Variants in CDKL3 observed in about 807,000 individuals in gnomAD.
The protein encoded by CDKL3 is cyclin dependent kinase like 3.
Under a neutral mutation model 69.3 loss-of-function variants are expected in CDKL3, and 65 were observed. The ratio of observed to expected loss-of-function variants is 0.94; its 90% CI spans 0.77 to 1.15. CDKL3 has a LOEUF of 1.15. Among genes scored for constraint, CDKL3 ranks in the 50% most tolerant of loss-of-function variants. The pLI, the probability that CDKL3 is intolerant of heterozygous loss-of-function variation, is 0.00. For synonymous variants in CDKL3, 202 were observed against 221.6 expected (o/e 0.91, Z 0.79); for missense variants, 652 against 689.2 (o/e 0.95, Z 0.61).
chr5:134,371,590 C>A, upstream of CDKL3: 1 of 1,612,448 alleles, frequency 6.2e-7, no homozygotes, highest in Non-Finnish European at 8.5e-7. Context: ...GGGGCAGCTG[C>A]GGAGCATGTC....
At chr5:134,370,085 G>A (rs1427633341), upstream of CDKL3, among the ~76,000 whole-genome samples, 1 of 152,196 alleles carries the variant, frequency 6.6e-6, no homozygotes, top group African/African-American at 2.4e-5. Context: ...GGGAATTCAG[G>A]GTTTGAAGAA....
intron 4 of CDKL3, among the ~76,000 whole-genome samples, chr5:134,326,950 T>C (rs1283899291): frequency 6.6e-6 from 1 of 150,568 alleles, no homozygotes; most frequent in Admixed American, 6.6e-5. Flanking sequence ...TGCAATTCAG[T>C]ATAAGAAAGA....
At chr5:134,371,540 G>GGGGGGCTGC, upstream of CDKL3, 1 of 1,592,684 alleles carries the variant, frequency 6.3e-7, no homozygotes, top group Non-Finnish European at 8.5e-7. Flanking sequence ...CCGGGGGGTG[G>GGGGGGCTGC]GGGGGCTGCG....
chr5:134,332,138 G>A (rs1363342538), intron 4 of CDKL3, among the ~76,000 whole-genome samples: 1 of 151,938 alleles, frequency 6.6e-6, no homozygotes, highest in Non-Finnish European at 1.5e-5. Flanking sequence ...ACTTTTTGAT[G>A]CAGTTGTTTT....
intron 6 of CDKL3, among the ~76,000 whole-genome samples, chr5:134,314,210 C>T (rs962645489): frequency 3.9e-5 from 6 of 152,072 alleles, no homozygotes; most frequent in African/African-American, 1.4e-4. Context: ...AATATGTGCT[C>T]ATTTTAGAAT....
At chr5:134,326,827 A>ATGTGTG (rs778337033) in intron 4 of CDKL3, among the ~76,000 whole-genome samples, 4 of 103,122 alleles carry the variant, frequency 3.9e-5, no homozygotes, top group South Asian at 2.9e-4. Flanking sequence ...GTATATATAT[A>ATGTGTG]TATATATATA....
chr5:134,342,468 C>T (rs570526867), intron 4 of CDKL3, among the ~76,000 whole-genome samples: 237 of 152,054 alleles, frequency 1.6e-3, no homozygotes, highest in African/African-American at 5.6e-3. Flanking sequence ...GACGTAGTGG[C>T]GGACGCTTGT....
upstream of CDKL3, chr5:134,367,294 G>A: frequency 1.0e-6 from 1 of 985,340 alleles, no homozygotes; most frequent in Non-Finnish European, 1.2e-6. Flanking sequence ...AATGGGGGAG[G>A]GGAGTACAGA....
chr5:134,312,404 T>C (rs745683199), intron 6 of CDKL3, 24 bp from the exon 7 acceptor site: 4 of 1,364,906 alleles, frequency 2.9e-6, no homozygotes, highest in Non-Finnish European at 4.1e-6. Flanking sequence ...AAGATTTTAA[T>C]AAGTGAGCTC....
intron 7 of CDKL3, among the ~76,000 whole-genome samples, chr5:134,310,238 T>G (rs1318244524): frequency 6.6e-6 from 1 of 152,026 alleles, no homozygotes; most frequent in Non-Finnish European, 1.5e-5. Context: ...CAGGATGGAG[T>G]GCAGTGGCAC....
At chr5:134,336,813 T>C (rs1777226421) in intron 4 of CDKL3, among the ~76,000 whole-genome samples, 1 of 152,212 alleles carries the variant, frequency 6.6e-6, no homozygotes, top group Non-Finnish European at 1.5e-5. Context: ...GCAGTCTGTC[T>C]GTTATCGGAG....
upstream of CDKL3, among the ~76,000 whole-genome samples, chr5:134,370,392 G>A (rs892201653): frequency 6.6e-6 from 1 of 152,216 alleles, no homozygotes; most frequent in Non-Finnish European, 1.5e-5. Context: ...TTTCTTGCTA[G>A]TGTAGAAAAC....
At chr5:134,297,586 C>CTTTTTTTCTTTCT (rs1216089312), downstream of CDKL3, among the ~76,000 whole-genome samples, 23 of 144,028 alleles carry the variant, frequency 1.6e-4, no homozygotes, top group African/African-American at 5.6e-4. Flanking sequence ...TTTTTTCTTT[C>CTTTTTTTCTTTCT]TTTTTTTTTT....
intron 1 of CDKL3, 21 bp downstream of exon 1, chr5:134,366,954 CCA>C (rs879874601): frequency 1.0e-6 from 1 of 991,266 alleles, no homozygotes; most frequent in Admixed American, 6.1e-5. Flanking sequence ...GCAACTCAAA[CCA>C]CACGTCTTAG....
chr5:134,312,523 C>T (rs1243792313), intron 6 of CDKL3, 143 bp from the exon 7 acceptor site: 2 of 544,624 alleles, frequency 3.7e-6, no homozygotes, highest in Non-Finnish European at 6.4e-6. Flanking sequence ...ACCTCAGGAA[C>T]TTCTGGTAGT....
intron 3 of CDKL3, among the ~76,000 whole-genome samples, chr5:134,356,382 C>T (rs900346245): frequency 2.6e-5 from 4 of 152,220 alleles, no homozygotes; most frequent in African/African-American, 9.7e-5. Flanking sequence ...GGCCTGATTC[C>T]TAACAGGCCA....
At chr5:134,308,824 A>T (rs746276804) in intron 7 of CDKL3, 97 bp from the exon 8 acceptor site, 8 of 1,032,746 alleles carry the variant, frequency 7.7e-6, no homozygotes, top group African/African-American at 1.6e-5. Context: ...TGTACATTTC[A>T]GCTACAGCAT....
intron 7 of CDKL3, among the ~76,000 whole-genome samples, chr5:134,310,351 A>C (rs944540763): frequency 1.3e-5 from 2 of 151,106 alleles, no homozygotes; most frequent in African/African-American, 2.4e-5. Flanking sequence ...ACACCCAACT[A>C]ATTTTGTTTT....
chr5:134,313,773 T>C (rs1238220278), intron 6 of CDKL3, among the ~76,000 whole-genome samples: 1 of 151,968 alleles, frequency 6.6e-6, no homozygotes, highest in East Asian at 1.9e-4. Flanking sequence ...ATAAAAAACA[T>C]TGATTCACAA....
Sources: allele counts gnomAD v4.1 joint callset (sites outside exome capture counted in the v4.1 genomes callset), GRCh38; gene constraint gnomAD v4.1.1; transcripts MANE v1.5; gene names NCBI Gene and HGNC (gene_info 2026-07-23, HGNC 2026-07-21).